The following CNPY1 variants were observed in gnomAD, a reference collection of about 807,000 sequenced individuals.
CNPY1 encodes protein canopy homolog 1.
A neutral mutation model predicts 14.4 loss-of-function variants in CNPY1; 14 were observed. That is an observed-to-expected ratio of 0.97 (90% confidence interval 0.64 to 1.52). CNPY1 has a LOEUF of 1.52. CNPY1 is among the 40% of genes most tolerant of loss of function. The probability of loss-of-function intolerance (pLI) is 0.00; values close to 1 mark genes in which losing one functional copy is unlikely to be tolerated. For missense variants in CNPY1, 129 were observed against 131.5 expected (o/e 0.98, Z 0.09); for synonymous variants, 43 against 46.5 (o/e 0.92, Z 0.31).
At chr7:155,528,977 C>T (rs758932577) in intron 2 of CNPY1, among the ~76,000 whole-genome samples, 3 of 151,658 alleles carry the variant, frequency 2.0e-5, no homozygotes, top group South Asian at 4.2e-4. Flanking sequence ...AGGAGAATGG[C>T]GTGAACCCAG....
chr7:155,510,934 G>A (rs1796518328), intron 2 of CNPY1, among the ~76,000 whole-genome samples: 1 of 152,230 alleles, frequency 6.6e-6, no homozygotes, highest in South Asian at 2.1e-4. Flanking sequence ...TTAGCGGAAA[G>A]ATTACGGAGG....
chr7:155,540,529 T>C (rs1472351889), intron 2 of CNPY1, among the ~76,000 whole-genome samples: 1 of 152,250 alleles, frequency 6.6e-6, no homozygotes, highest in Admixed American at 6.5e-5. Context: ...GAGGTGTTGG[T>C]GCAAACCGGA....
intron 2 of CNPY1, among the ~76,000 whole-genome samples, chr7:155,528,670 A>G (rs1224676999): frequency 6.6e-6 from 1 of 152,234 alleles, no homozygotes; most frequent in East Asian, 1.9e-4. Flanking sequence ...ACAAAGCGTC[A>G]GAGACTCCCA....
rs972854133 is a variant in CNPY1 at position 155,545,553 on chromosome 7, C to G, written c.99+278G>C. Among the ~76,000 whole-genome samples the G allele has an allele frequency of 5.3e-5, 8 of 152,214 alleles. No individual in the cohort carries two copies. In the South Asian group the frequency reaches 1.2e-3, roughly 24 times the overall value. On this transcript the variant is annotated intron_variant, in intron 2 of 4. Coordinates refer to ENST00000636446, the MANE Select transcript of CNPY1 (RefSeq NM_001393663.1). ...AGCCTCTTCTGGGCCCCCTGCTGGC[C>G]TCACCAAGAACCACAGACGCGCTAT... is the stretch of plus-strand genomic sequence containing the variant.
intron 2 of CNPY1, among the ~76,000 whole-genome samples, chr7:155,527,430 A>ATTTC (rs1796847019): frequency 2.1e-5 from 2 of 93,390 alleles, no homozygotes; most frequent in African/African-American, 8.2e-5. Context: ...TTGATAATTA[A>ATTTC]TTTCTTTTTT....
intron 3 of CNPY1, among the ~76,000 whole-genome samples, chr7:155,507,471 T>TAAAA (rs35711313): frequency 0.032 from 1,710 of 54,068 alleles, 155 homozygotes; most frequent in African/African-American, 0.039. Flanking sequence ...GTTTTTAAAC[T>TAAAA]AAAAAAAAAA....
At chr7:155,507,458 A>G (rs1241382592) in intron 3 of CNPY1, among the ~76,000 whole-genome samples, 11 of 117,644 alleles carry the variant, frequency 9.4e-5, no homozygotes, top group Admixed American at 8.9e-4. Context: ...GAAAAGTCCA[A>G]CGGTTTTTAA....
At chr7:155,522,521 G>A (rs1013011285) in intron 2 of CNPY1, among the ~76,000 whole-genome samples, 1 of 152,254 alleles carries the variant, frequency 6.6e-6, no homozygotes, top group African/African-American at 2.4e-5. Context: ...AGGAGGAAAC[G>A]CAGCCTTCGA....
At chr7:155,532,397 C>T (rs7778184) in intron 2 of CNPY1, among the ~76,000 whole-genome samples, 68,719 of 151,270 alleles carry the variant, frequency 0.45, 16,580 homozygotes, top group South Asian at 0.6. Context: ...CCGAGGCGGG[C>T]GGATCACAAG....
chr7:155,530,026 A>G (rs1219865265), intron 2 of CNPY1, among the ~76,000 whole-genome samples: 2 of 151,828 alleles, frequency 1.3e-5, no homozygotes, highest in Admixed American at 6.6e-5. Flanking sequence ...CAAGTGATCC[A>G]CCCACCTCAG....
intron 1 of CNPY1, 51 bp from the exon 2 acceptor site, chr7:155,545,994 C>T (rs889743192): frequency 1.3e-4 from 51 of 398,478 alleles, no homozygotes; most frequent in African/African-American, 9.2e-4. Context: ...GAGCCAGAGC[C>T]GGGCCTGTGG....
At chr7:155,509,492 AGAGAGACAGAGAGAGGGAAAGGAGG>A (rs1310325591) in intron 2 of CNPY1, among the ~76,000 whole-genome samples, 19 of 152,050 alleles carry the variant, frequency 1.2e-4, no homozygotes, top group African/African-American at 4.3e-4. Flanking sequence ...GAGGAGGGGG[AGAGAGACAGAGAGAGGGAAAGGAGG>A]GAGAGACAGA....
chr7:155,511,647 C>G (rs1251400064), intron 2 of CNPY1, among the ~76,000 whole-genome samples: 1 of 152,162 alleles, frequency 6.6e-6, no homozygotes. Flanking sequence ...GGCTGACTGG[C>G]TTTTTGATGT....
chr7:155,516,882 G>A (rs913618774), intron 2 of CNPY1, among the ~76,000 whole-genome samples: 1 of 152,236 alleles, frequency 6.6e-6, no homozygotes, highest in Non-Finnish European at 1.5e-5. Flanking sequence ...CTTAGGTTGG[G>A]CTGAGCTGTC....
intron 2 of CNPY1, among the ~76,000 whole-genome samples, chr7:155,514,283 AT>A (rs1563088749): frequency 6.6e-6 from 1 of 152,240 alleles, no homozygotes. Context: ...AAAAATTAAA[AT>A]AAAATTTTTG....
At chr7:155,519,552 A>T (rs1421763059) in intron 2 of CNPY1, among the ~76,000 whole-genome samples, 1 of 148,382 alleles carries the variant, frequency 6.7e-6, no homozygotes, top group Admixed American at 6.6e-5. Context: ...TAAATAAATA[A>T]ATAAATAAAT....
intron 2 of CNPY1, among the ~76,000 whole-genome samples, chr7:155,510,797 TAACA>T (rs146565677): frequency 4.1e-4 from 63 of 152,356 alleles, no homozygotes; most frequent in East Asian, 3.7e-3. Flanking sequence ...ATACGTAGAT[TAACA>T]AACAAAACTG....
rs561538723 is a variant in CNPY1, at chr7:155,536,802, G to C, written c.99+9029C>G. On this transcript the variant is annotated intron_variant, in intron 2 of 4. Coordinates refer to ENST00000636446, the MANE Select transcript of CNPY1 (RefSeq NM_001393663.1). The surrounding 1 kb of genome is among the most constrained non-coding windows in gnomAD (Gnocchi z 4.1). ...AAGAAGTCAACTCTCAACGCTCGTG[G>C]TGATCCACACTGACACCAGGCAGTG... Among the ~76,000 whole-genome samples, 6 of 152,306 alleles carry C rather than the reference G, an allele frequency of 3.9e-5. No individual in the cohort carries two copies. The highest frequency in any genetic ancestry group is 5.9e-5 in the Non-Finnish European group (4 of 68,032).
rs772642220 is a variant in CNPY1 at position 155,545,908 on chromosome 7, T to C, written c.22A>G (p.Ile8Val). The change falls in exon 2 of 5, where the codon ATC (isoleucine) becomes GTC (valine). Residue 8 changes from isoleucine (I) to valine (V), a missense_variant. Physicochemically the swap from Ile to Val is conservative, Grantham distance 29. Transcript: ENST00000636446. MDEIEHD[I>V]TKARQKKTKV... ...GTCTTCTTCTGCCGAGCCTTGGTGATGTCGTGCTCTATCTCGTCCATCAGC... is the reference window on the plus strand; with the variant it reads ...GTCTTCTTCTGCCGAGCCTTGGTGACGTCGTGCTCTATCTCGTCCATCAGC... The C allele has an allele frequency of 2.8e-5, 11 of 398,554 alleles. No homozygotes were observed. Among genetic ancestry groups the C allele is most frequent in the Non-Finnish European group, 4.4e-5 (10 of 226,090 alleles). 24.7% of individuals were successfully genotyped at this position (398,554 alleles called of 1,614,324 possible).
Sources: allele counts gnomAD v4.1 joint callset (sites outside exome capture counted in the v4.1 genomes callset), GRCh38; gene constraint gnomAD v4.1.1; non-coding constraint Gnocchi (gnomAD v3.1); transcripts MANE v1.5; gene names NCBI Gene and HGNC (gene_info 2026-07-23, HGNC 2026-07-21).